The following DCP2 variants were observed in gnomAD, a reference collection of about 807,000 sequenced individuals.
DCP2 encodes the protein m7GpppN-mRNA hydrolase.
A neutral mutation model predicts 56.1 loss-of-function variants in DCP2; 30 were observed. The observed-to-expected ratio is 0.53, with a 90% CI of 0.40 to 0.73. DCP2 has a LOEUF of 0.73. DCP2 is among the 30% of genes least tolerant of loss of function. The probability of loss-of-function intolerance (pLI) is 0.00; values close to 1 mark genes in which losing one functional copy is unlikely to be tolerated. For missense variants in DCP2, 533 were observed against 502.7 expected (o/e 1.06, Z -0.58); for synonymous variants, 197 against 163.3 (o/e 1.21, Z -1.57).
At position 112,992,255 on chromosome 5, in the gene DCP2, G is replaced by A. The variant is rs767605304; in HGVS notation, c.333+7G>A. 2 of 1,605,026 alleles carry A rather than the reference G, an allele frequency of 1.2e-6. No individual in the cohort carries two copies. The highest frequency in any genetic ancestry group is 1.7e-6 in the Non-Finnish European group (2 of 1,177,114). ...TGATGAGACACTTGAAAATGTGAGT[G>A]TAATGAAATAAAGATTTTTAGTGAA... On this transcript the variant is annotated splice_region_variant and intron_variant, in intron 3 of 10. Transcript: ENST00000389063.
chr5:113,009,043 C>T (rs1394650095), intron 9 of DCP2, among the ~76,000 whole-genome samples: 5 of 152,122 alleles, frequency 3.3e-5, no homozygotes, highest in African/African-American at 1.2e-4. Context: ...GACAGGGTTT[C>T]ACCATGTTGG....
chr5:112,995,044 T>C (rs1748784529), intron 4 of DCP2, among the ~76,000 whole-genome samples: 2 of 152,212 alleles, frequency 1.3e-5, no homozygotes, highest in Non-Finnish European at 2.9e-5. Flanking sequence ...AGTTAAAATT[T>C]TTACAAACTG....
intron 2 of DCP2, among the ~76,000 whole-genome samples, chr5:112,988,546 G>T (rs1185416641): frequency 6.7e-6 from 1 of 148,432 alleles, no homozygotes; most frequent in Admixed American, 6.8e-5. Context: ...TGGTTGGTCT[G>T]TTACATCACT....
Position 113,013,662 on chromosome 5 carries a change from GT to G in DCP2, c.*180del. The G allele has an allele frequency of 1.5e-6, 1 of 682,744 alleles. No individual in the cohort carries two copies. Among genetic ancestry groups the G allele is most frequent in the Non-Finnish European group, 2.4e-6 (1 of 418,920 alleles). The allele number at this position is 682,744 out of a possible 1,614,324, so 42.3% of individuals were successfully genotyped here. On this transcript the variant is annotated 3_prime_UTR_variant, in exon 11 of 11. Transcript: ENST00000389063. ...AACACGAGTTTGCACTGTAAATGCA[GT>G]TATAACCTTTTATACAGATTTACCT...
intron 10 of DCP2, 105 bp downstream of exon 10, chr5:113,010,912 G>C: frequency 8.3e-7 from 1 of 1,210,122 alleles, no homozygotes; most frequent in South Asian, 1.5e-5. Flanking sequence ...AGTTAAGCAG[G>C]AAGAGTTGCA....
intron 7 of DCP2, among the ~76,000 whole-genome samples, chr5:113,003,495 G>A (rs566634571): frequency 1.3e-5 from 2 of 152,162 alleles, no homozygotes; most frequent in South Asian, 2.1e-4. Flanking sequence ...AGGATGGCTC[G>A]AGCCTGAGAG....
At chr5:112,979,906 G>A (rs1350250259) in intron 1 of DCP2, among the ~76,000 whole-genome samples, 1 of 152,162 alleles carries the variant, frequency 6.6e-6, no homozygotes, top group African/African-American at 2.4e-5. Flanking sequence ...GTGTGTGTGG[G>A]TGGGGAAGGG....
intron 10 of DCP2, among the ~76,000 whole-genome samples, chr5:113,011,123 A>G (rs1452793451): frequency 6.6e-6 from 1 of 152,196 alleles, no homozygotes; most frequent in Non-Finnish European, 1.5e-5. Context: ...AGTATTGTAA[A>G]GGCTAGGAAA....
chr5:113,013,693 A>T lies in DCP2; in HGVS notation c.*209A>T. 1 of 501,356 alleles carries T rather than the reference A, an allele frequency of 2.0e-6. No homozygotes were observed. The highest frequency in any genetic ancestry group is 3.4e-6 in the Non-Finnish European group (1 of 291,234). 31.1% of individuals were successfully genotyped at this position (501,356 alleles called of 1,614,324 possible). A position where few individuals can be genotyped will look rare whatever the true frequency, so the allele number is the denominator to read the frequency against. ...ACCTTTTATACAGATTTACCTTTTCAGTGTTCAGTACAAGTTTAAGTTGCT... is the reference window on the plus strand; with the variant it reads ...ACCTTTTATACAGATTTACCTTTTCTGTGTTCAGTACAAGTTTAAGTTGCT... On this transcript the variant is annotated 3_prime_UTR_variant, in exon 11 of 11. Transcript: ENST00000389063.
In DCP2 at chr5:113,008,050, T is replaced by A. The variant is rs1749520407; in HGVS notation, c.1047+8T>A. ...CAGCAGAATTCTTTGATGGTAAGAG[T>A]TATAGCTGTCACACTAAGTAGGCAG... On this transcript the variant is annotated splice_region_variant and intron_variant, in intron 9 of 10. Transcript: ENST00000389063. 2 of 1,609,904 alleles carry A rather than the reference T, an allele frequency of 1.2e-6. No homozygotes were observed. The highest frequency in any genetic ancestry group is 3.3e-5 in the Admixed American group (2 of 59,770).
chr5:112,990,282 C>G (rs1266172178), intron 2 of DCP2, among the ~76,000 whole-genome samples: 1 of 152,116 alleles, frequency 6.6e-6, no homozygotes, highest in African/African-American at 2.4e-5. Flanking sequence ...GCTATGTATC[C>G]TTGGGTAAAT....
chr5:113,007,934 A>G lies in DCP2; in HGVS notation c.943-4A>G. On this transcript the variant is annotated splice_polypyrimidine_tract_variant and splice_region_variant and intron_variant, in intron 8 of 10. Transcript: ENST00000389063. The stretch of plus-strand genomic sequence containing the variant: ...TCATATTATATTTCTTTTTGGGAAA[A>G]CAGAATCAAAGTATGAGGGGAAATG... 1 of 1,611,910 alleles carries G rather than the reference A, an allele frequency of 6.2e-7. No homozygotes were observed. Among genetic ancestry groups the G allele is most frequent in the African/African-American group, 1.3e-5 (1 of 74,880 alleles).
intron 1 of DCP2, among the ~76,000 whole-genome samples, chr5:112,985,418 C>A (rs537545913): frequency 9.9e-4 from 150 of 152,254 alleles, no homozygotes; most frequent in African/African-American, 3.3e-3. Context: ...ATATTGGTTT[C>A]TTTTCCAATA....
rs1407601097 is a variant in DCP2 at position 113,020,563 on chromosome 5, C to T, written c.*7079C>T. 2.6e-5 allele frequency: 4 copies of T among 152,176 alleles called. No homozygotes were observed. Among genetic ancestry groups the T allele is most frequent in the Non-Finnish European group, 4.4e-5 (3 of 68,012 alleles). 9.4% of individuals were successfully genotyped at this position (152,176 alleles called of 1,614,324 possible). On this transcript the variant is annotated 3_prime_UTR_variant, in exon 11 of 11. Coordinates refer to ENST00000389063, the MANE Select transcript of DCP2 (RefSeq NM_152624.6). ...CTAGATTTATGTTGTTGTAGTTGAACAGCAACTGTTTTTTTCCCTCAGTGT... is the reference window on the plus strand; with the variant it reads ...CTAGATTTATGTTGTTGTAGTTGAATAGCAACTGTTTTTTTCCCTCAGTGT...
In DCP2 at chr5:113,016,309, A is replaced by T. The variant is rs1284336662; in HGVS notation, c.*2825A>T. 1 of 152,572 alleles carries T rather than the reference A, an allele frequency of 6.6e-6. No homozygotes were observed. The highest frequency in any genetic ancestry group is 2.4e-5 in the African/African-American group (1 of 41,436). The allele number at this position is 152,572 out of a possible 1,614,324, so 9.5% of individuals were successfully genotyped here. A position where few individuals can be genotyped will look rare whatever the true frequency, so the allele number is the denominator to read the frequency against. The stretch of plus-strand genomic sequence containing the variant: ...TGGAGAGGCCTGAGAACCTAATAGA[A>T]CTCATATAGTGTGAGTGAAATTTGA... On this transcript the variant is annotated 3_prime_UTR_variant, in exon 11 of 11. Coordinates refer to ENST00000389063, the MANE Select transcript of DCP2 (RefSeq NM_152624.6).
At chr5:112,977,228 TAA>T (rs1208958809) in intron 1 of DCP2, among the ~76,000 whole-genome samples, 2 of 152,174 alleles carry the variant, frequency 1.3e-5, no homozygotes, top group African/African-American at 4.8e-5. Context: ...CCTCATTTTT[TAA>T]GTTACTCAAC....
intron 2 of DCP2, among the ~76,000 whole-genome samples, chr5:112,990,400 C>T (rs925821827): frequency 6.6e-6 from 1 of 152,038 alleles, no homozygotes; most frequent in Non-Finnish European, 1.5e-5. Context: ...CAAGAGTATC[C>T]CACATTTGCT....
At chr5:113,005,140 G>A (rs1239159772) in intron 8 of DCP2, among the ~76,000 whole-genome samples, 1 of 92,724 alleles carries the variant, frequency 1.1e-5, no homozygotes, top group Non-Finnish European at 2.1e-5. Context: ...AAAAAAAAAA[G>A]TGTGCGTGTG....
At chr5:113,008,125 T>C (rs1451875745) in intron 9 of DCP2, 83 bp downstream of exon 9, 1 of 1,169,752 alleles carries the variant, frequency 8.5e-7, no homozygotes, top group Non-Finnish European at 1.2e-6. Context: ...ACAGGAATGT[T>C]ACTTGTTTTG....
Sources: allele counts gnomAD v4.1 joint callset (sites outside exome capture counted in the v4.1 genomes callset), GRCh38; gene constraint gnomAD v4.1.1; transcripts MANE v1.5; gene names NCBI Gene and HGNC (gene_info 2026-07-23, HGNC 2026-07-21).